OLFML2B: variants seen among roughly 807,000 people sequenced by gnomAD.
The protein encoded by OLFML2B is olfactomedin like 2B, also known as olfactomedin-like protein 2B.
OLFML2B carries 57 observed loss-of-function variants against 74.9 expected under a neutral mutation model. That is an observed-to-expected ratio of 0.76 (90% CI 0.61 to 0.95). OLFML2B has a LOEUF of 0.95. OLFML2B is among the 40% of genes least tolerant of loss of function. OLFML2B has a pLI of 0.00. For synonymous variants in OLFML2B, 388 were observed against 405.8 expected, an observed-to-expected ratio of 0.96 and a Z score of 0.53; for missense variants, 986 against 970.6, an observed-to-expected ratio of 1.02 and a Z score of -0.21.
rs548008135 is a variant in OLFML2B at position 161,987,989 on chromosome 1, T to C, written c.1475-3009A>G. On this transcript the variant is annotated intron_variant, in intron 6 of 7. Coordinates refer to ENST00000294794, the MANE Select transcript of OLFML2B (RefSeq NM_015441.3). ...CTCTGAGAATCTGGGGCAGCTCAGA[T>C]GCTCCCACACTTGGCAGCAAACCAT... Among the ~76,000 whole-genome samples, 5 of 152,298 alleles carry C rather than the reference T, an allele frequency of 3.3e-5. No individual in the cohort carries two copies. The East Asian group carries it at 9.6e-4, about 29-fold the overall frequency.
chr1:162,012,634 A>G (rs1272457260), intron 3 of OLFML2B, among the ~76,000 whole-genome samples: 2 of 152,236 alleles, frequency 1.3e-5, no homozygotes. Flanking sequence ...TGAAAAAGGA[A>G]AGAGATACAC....
At chr1:162,005,626 C>T (rs9427067) in intron 4 of OLFML2B, among the ~76,000 whole-genome samples, 43,225 of 152,016 alleles carry the variant, frequency 0.28, 8,525 homozygotes, top group African/African-American at 0.56. Flanking sequence ...GTACAGTGGC[C>T]CACGCCTGTC....
chr1:162,005,707 C>CA (rs1166201446), intron 4 of OLFML2B, among the ~76,000 whole-genome samples: 16 of 151,952 alleles, frequency 1.1e-4, no homozygotes, highest in African/African-American at 3.9e-4. Context: ...GCCGCATTTA[C>CA]AGAAAATACA....
intron 1 of OLFML2B, among the ~76,000 whole-genome samples, chr1:162,020,411 C>T (rs1690670741): frequency 6.6e-6 from 1 of 152,226 alleles, no homozygotes; most frequent in Non-Finnish European, 1.5e-5. Flanking sequence ...CTGTGCCTTT[C>T]TCATGGGGCC....
At chr1:162,004,595 C>T (rs1479871904) in intron 4 of OLFML2B, among the ~76,000 whole-genome samples, 1 of 152,064 alleles carries the variant, frequency 6.6e-6, no homozygotes, top group Non-Finnish European at 1.5e-5. Flanking sequence ...ACATGTGTGC[C>T]CAAGATCCCC....
chr1:162,016,805 C>T (rs556837424), intron 3 of OLFML2B, among the ~76,000 whole-genome samples: 2 of 152,316 alleles, frequency 1.3e-5, no homozygotes, highest in African/African-American at 4.8e-5. Context: ...AACCACAGCA[C>T]CACCTGTACC....
intron 3 of OLFML2B, among the ~76,000 whole-genome samples, chr1:162,013,622 C>A (rs1255348185): frequency 2.6e-5 from 4 of 152,048 alleles, no homozygotes; most frequent in African/African-American, 9.7e-5. Context: ...CTTCTAGTTC[C>A]ACTTATCTAA....
intron 1 of OLFML2B, among the ~76,000 whole-genome samples, chr1:162,023,013 G>A (rs1392979599): frequency 6.6e-6 from 1 of 152,052 alleles, no homozygotes; most frequent in Non-Finnish European, 1.5e-5. Flanking sequence ...GAAGTCGAGC[G>A]GCATCTTCCC....
chr1:162,001,570 T>G (rs542344279), intron 4 of OLFML2B, among the ~76,000 whole-genome samples: 37 of 152,284 alleles, frequency 2.4e-4, no homozygotes, highest in African/African-American at 8.4e-4. Flanking sequence ...CAGAGCTTGT[T>G]TTACGTGAAA....
At chr1:161,988,400 G>T (rs4628483) in intron 6 of OLFML2B, among the ~76,000 whole-genome samples, 1 of 151,880 alleles carries the variant, frequency 6.6e-6, no homozygotes, top group Non-Finnish European at 1.5e-5. Context: ...CCCCAGTAGG[G>T]TCCTTGGGCG....
Position 162,006,464 on chromosome 1 carries a change from T to A in OLFML2B, c.556A>T (p.Lys186Ter), listed in dbSNP as rs1690236308. 1 of 1,559,688 alleles carries A rather than the reference T, an allele frequency of 6.4e-7. No individual in the cohort carries two copies. Among genetic ancestry groups the A allele is most frequent in the African/African-American group, 1.5e-5 (1 of 66,430 alleles). Residue 186 changes from lysine (K) to a stop codon, truncating the protein, a stop_gained, in exon 4 of 8, where the codon AAA becomes TAA. Transcript: ENST00000294794. LOFTEE classifies it high-confidence loss of function. ...TGTTCATTTTCCTTGGTGAGGTTTT[T>A]AGACACTTCCTGAGAAGGAAAAAAA... ...RVDKLEEEVS[K>*]NLTKENEQIK... is the part of the protein sequence containing the mutation.
At position 162,016,475 on chromosome 1, in the gene OLFML2B, T is replaced by C. The variant is rs566817059; in HGVS notation, c.546+925A>G. 2.6e-5 allele frequency among the ~76,000 whole-genome samples: 4 copies of C among 152,328 alleles called. No homozygotes were observed. In the South Asian group the frequency reaches 8.3e-4, roughly 32 times the overall value. The stretch of plus-strand genomic sequence containing the variant: ...CAAAAGTCCACTTTTTCATAAGGAA[T>C]ATTGATATGTTTACAGTCATTGTGT... On this transcript the variant is annotated intron_variant, in intron 3 of 7. Coordinates refer to ENST00000294794, the MANE Select transcript of OLFML2B (RefSeq NM_015441.3).
chr1:162,004,681 T>C (rs1165393564), intron 4 of OLFML2B, among the ~76,000 whole-genome samples: 1 of 152,114 alleles, frequency 6.6e-6, no homozygotes, highest in Non-Finnish European at 1.5e-5. Flanking sequence ...ACACCCAGAC[T>C]TCCTGCCTCT....
chr1:162,021,890 G>A (rs193021641), intron 1 of OLFML2B, among the ~76,000 whole-genome samples: 1 of 152,220 alleles, frequency 6.6e-6, no homozygotes, highest in Non-Finnish European at 1.5e-5. Flanking sequence ...ATGTCTTTTC[G>A]ATTTAGGGGT....
At position 161,984,288 on chromosome 1, in the gene OLFML2B, G is replaced by C. The variant is rs752461687; in HGVS notation, c.1652-12C>G. ...ATTGCTCCAGCGACCTGCAGGTGGG[G>C]AGAAAACAGGAGGCTTCAGAGTGGC... On this transcript the variant is annotated splice_polypyrimidine_tract_variant and intron_variant, in intron 7 of 7. Coordinates refer to ENST00000294794, the MANE Select transcript of OLFML2B (RefSeq NM_015441.3). 6.6e-7 allele frequency: 1 copy of C among 1,516,930 alleles called. No individual in the cohort carries two copies. Among genetic ancestry groups the C allele is most frequent in the Admixed American group, 2.2e-5 (1 of 44,484 alleles). 94.0% of individuals were successfully genotyped at this position (1,516,930 alleles called of 1,614,324 possible). A position where few individuals can be genotyped will look rare whatever the true frequency, so the allele number is the denominator to read the frequency against.
At chr1:162,002,970 T>C (rs1280352051) in intron 4 of OLFML2B, among the ~76,000 whole-genome samples, 3 of 152,242 alleles carry the variant, frequency 2.0e-5, no homozygotes, top group Non-Finnish European at 4.4e-5. Context: ...GATACCATTA[T>C]CCACACGTCA....
chr1:161,991,761 G>A (rs1425174102), intron 6 of OLFML2B, among the ~76,000 whole-genome samples: 2 of 152,182 alleles, frequency 1.3e-5, no homozygotes, highest in Admixed American at 1.3e-4. Context: ...TTTCTGAGCA[G>A]TAGGTCTCAA....
At chr1:162,009,685 G>A (rs1259554430) in intron 3 of OLFML2B, among the ~76,000 whole-genome samples, 3 of 152,214 alleles carry the variant, frequency 2.0e-5, no homozygotes, top group Non-Finnish European at 4.4e-5. Context: ...GCTGGCGGTG[G>A]CATCACCCCA....
At chr1:162,008,131 C>T (rs1690284224) in intron 3 of OLFML2B, among the ~76,000 whole-genome samples, 1 of 152,160 alleles carries the variant, frequency 6.6e-6, no homozygotes, top group South Asian at 2.1e-4. Context: ...GATCTGAGAT[C>T]TCAGGCACAT....
Sources: gnomAD v4.1 joint callset for allele counts (sites outside exome capture counted in the v4.1 genomes callset) on GRCh38, gnomAD v4.1.1 for gene constraint, MANE v1.5 for transcripts, NCBI Gene and HGNC (gene_info 2026-07-23, HGNC 2026-07-21) for gene names.